Variants in CCDC88A observed in about 807,000 individuals in gnomAD.
The protein encoded by CCDC88A is coiled-coil and HOOK domain protein 88A.
Under a neutral mutation model 234.3 loss-of-function variants are expected in CCDC88A, and 54 were observed. The observed-to-expected ratio is 0.23, with a 90% confidence interval of 0.19 to 0.29. The LOEUF is 0.29. CCDC88A is among the 10% of genes least tolerant of loss of function. The pLI, the probability that CCDC88A is intolerant of heterozygous loss-of-function variation, is 1.00. For synonymous variants in CCDC88A, 753 were observed against 737.8 expected, an observed-to-expected ratio of 1.02 and a Z score of -0.33; for missense variants, 1,832 against 2,123.4, an observed-to-expected ratio of 0.86 and a Z score of 2.70.
intron 29 of CCDC88A, chr2:55,297,105 T>C (rs898885210): frequency 1.1e-4 from 2 of 18,176 alleles, no homozygotes; most frequent in Non-Finnish European, 3.8e-4. Context: ...AATTGCTTGA[T>C]ACTGGGGGGG....
intron 10 of CCDC88A, chr2:55,345,610 T>C (rs535903447): frequency 1.3e-5 from 2 of 152,640 alleles, no homozygotes; most frequent in South Asian, 2.1e-4. Flanking sequence ...CTGGCCAGGC[T>C]AGTCTCGAAC....
chr2:55,311,215 A>G (rs1682310632), intron 23 of CCDC88A, among the ~76,000 whole-genome samples: 3 of 152,232 alleles, frequency 2.0e-5, no homozygotes, highest in Non-Finnish European at 4.4e-5. Flanking sequence ...CAAGTAAAGG[A>G]ATACATACCC....
At chr2:55,417,278 G>T (rs1049456614) in intron 2 of CCDC88A, 1 of 151,766 alleles carries the variant, frequency 6.6e-6, no homozygotes, top group Non-Finnish European at 1.5e-5. Flanking sequence ...CCCTATTTTT[G>T]TGAACACACA....
rs13000605 is a variant in CCDC88A at position 55,384,661 on chromosome 2, A to G, written c.273+4117T>C. ...TATGTGTATATATACATATATATAT[A>G]TATATATTTTTTAAAGACAGAGTCT... is the stretch of plus-strand genomic sequence containing the variant. On this transcript the variant is annotated intron_variant, in intron 3 of 32. Coordinates refer to ENST00000436346, the MANE Select transcript of CCDC88A (RefSeq NM_001365480.1). 8.1e-5 allele frequency among the ~76,000 whole-genome samples: 9 copies of G among 110,718 alleles called. 2 individuals carry two copies. The highest frequency in any genetic ancestry group is 1.4e-4 in the African/African-American group (3 of 21,626). The allele number at this position is 110,718 out of a possible 152,430, so 72.6% of individuals were successfully genotyped here.
At position 55,337,706 on chromosome 2, in the gene CCDC88A, G is replaced by A. The variant is rs1358507372; in HGVS notation, c.1519-888C>T. 2.0e-5 allele frequency: 3 copies of A among 152,260 alleles called. No individual in the cohort carries two copies. The South Asian group carries it at 6.2e-4, about 32-fold the overall frequency. 9.4% of individuals were successfully genotyped at this position (152,260 alleles called of 1,614,324 possible). A position where few individuals can be genotyped will look rare whatever the true frequency, so the allele number is the denominator to read the frequency against. On this transcript the variant is annotated intron_variant, in intron 13 of 32. Coordinates refer to ENST00000436346, the MANE Select transcript of CCDC88A (RefSeq NM_001365480.1). Reference sequence around the variant, plus strand: ...ACAAAAAAACTTAGCCAGGCATGGTGGCCTGTGCCTGTAGTCCTAGCTACT... The same window carrying A: ...ACAAAAAAACTTAGCCAGGCATGGTAGCCTGTGCCTGTAGTCCTAGCTACT...
chr2:55,294,737 G>A (rs1182946274), intron 31 of CCDC88A: 2 of 992,128 alleles, frequency 2.0e-6, no homozygotes, highest in Admixed American at 1.2e-4. Context: ...TGGTAAGAGA[G>A]CATGCAACTG....
At chr2:55,325,222 A>C (rs1684115145) in intron 17 of CCDC88A, among the ~76,000 whole-genome samples, 1 of 152,166 alleles carries the variant, frequency 6.6e-6, no homozygotes, top group African/African-American at 2.4e-5. Flanking sequence ...CCATTTACTG[A>C]GGTATTTCCT....
rs1558768191 is a variant in CCDC88A, at chr2:55,375,468, A to AAT, written c.274-586_274-585insAT. Among the ~76,000 whole-genome samples, 71 of 129,650 alleles carry AAT rather than the reference A, an allele frequency of 5.5e-4. 1 individual carries two copies. Among genetic ancestry groups the AAT allele is most frequent in the African/African-American group, 7.7e-4 (25 of 32,458 alleles). 85.1% of individuals were successfully genotyped at this position (129,650 alleles called of 152,430 possible). A position where few individuals can be genotyped will look rare whatever the true frequency, so the allele number is the denominator to read the frequency against. On this transcript the variant is annotated intron_variant, in intron 3 of 32. Coordinates refer to ENST00000436346, the MANE Select transcript of CCDC88A (RefSeq NM_001365480.1). ...TCAAATTTATAAGTACTGTCACTGT[A>AAT]CTATATATATATATATATATATATA...
At chr2:55,345,861 G>GA in intron 10 of CCDC88A, 1 of 187,352 alleles carries the variant, frequency 5.3e-6, no homozygotes, top group East Asian at 1.3e-4. Flanking sequence ...TTCACTTTTG[G>GA]AAAAAAGTCT....
chr2:55,302,145 A>AAACCACAGTATTTG, intron 26 of CCDC88A, 73 bp from the exon 27 acceptor site: 3 of 1,234,792 alleles, frequency 2.4e-6, no homozygotes, highest in Non-Finnish European at 3.5e-6. Context: ...TGTAGTACAA[A>AAACCACAGTATTTG]TACTGTGGTT....
chr2:55,327,491 C>G (rs1337585593), intron 17 of CCDC88A, among the ~76,000 whole-genome samples: 1 of 152,186 alleles, frequency 6.6e-6, no homozygotes, highest in South Asian at 2.1e-4. Flanking sequence ...CCAAAACCAT[C>G]TGGTGGGAAG....
chr2:55,296,407 T>C lies in CCDC88A; in HGVS notation c.4942A>G (p.Arg1648Gly). Residue 1648 changes from arginine to glycine, a missense_variant, in exon 30 of 33, where the codon AGA becomes GGA. By Grantham distance (125) the Arg-to-Gly change is moderately radical. Transcript: ENST00000436346. Reference sequence around the variant, plus strand: ...AGCACTGGGCTTGATCTGGTCTGTCTTTTCAAGTACTGGATTGGACTGCTA... The same window carrying C: ...AGCACTGGGCTTGATCTGGTCTGTCCTTTCAAGTACTGGATTGGACTGCTA... ...SGSSPIQYLKRQTRSSPVLQH... is the reference protein window; with the variant it reads ...SGSSPIQYLKGQTRSSPVLQH... The C allele has an allele frequency of 6.2e-7, 1 of 1,614,246 alleles. No individual in the cohort carries two copies. Among genetic ancestry groups the C allele is most frequent in the African/African-American group, 1.3e-5 (1 of 75,076 alleles).
rs1012638438 is a variant in CCDC88A, at chr2:55,419,147, G to T, written c.-68C>A. The T allele has an allele frequency of 4.4e-6, 4 of 908,490 alleles. No individual in the cohort carries two copies. The highest frequency in any genetic ancestry group is 1.7e-5 in the African/African-American group (1 of 59,882). 56.3% of individuals were successfully genotyped at this position (908,490 alleles called of 1,614,324 possible). The stretch of plus-strand genomic sequence containing the variant: ...ACGCCTAGGGAATTGGTCACTAAAC[G>T]TGGAAGTAAGTAGAAATCAATGAAA... On this transcript the variant is annotated 5_prime_UTR_variant, in exon 1 of 33. Transcript: ENST00000436346.
At position 55,419,244 on chromosome 2, in the gene CCDC88A, A is replaced by C. The variant is rs1039731287; in HGVS notation, c.-165T>G. 12 of 592,958 alleles carry C rather than the reference A, an allele frequency of 2.0e-5. No homozygotes were observed. The highest frequency in any genetic ancestry group is 5.6e-5 in the African/African-American group (3 of 53,580). 36.7% of individuals were successfully genotyped at this position (592,958 alleles called of 1,614,324 possible). On this transcript the variant is annotated 5_prime_UTR_variant, in exon 1 of 33. Coordinates refer to ENST00000436346, the MANE Select transcript of CCDC88A (RefSeq NM_001365480.1). ...ACTCTCCCTCCTCAAAAAACACCCC[A>C]GAGTGAAACGAGCCGAAATCCCAAG...
At chr2:55,372,634 T>C (rs751759725) in intron 4 of CCDC88A, 124 bp from the exon 5 acceptor site, 183 of 511,292 alleles carry the variant, frequency 3.6e-4, no homozygotes, top group South Asian at 6.3e-4. Context: ...TCTAAGCATA[T>C]GTAGTGGAGC....
rs149262820 is a variant in CCDC88A, at chr2:55,355,580, A to G, written c.799T>C (p.Leu267=). ...KAKIRRLRQE[L]EEKTEQLLDC... ...GAACCTCAAAAATCAGCAACTTACA[A>G]TTCCTGCCTAAGCCTTCTTATCTTG... The change falls in exon 8 of 33, where the codon TTG becomes CTG. Residue 267 remains leucine (L), a splice_region_variant and synonymous_variant. Coordinates refer to ENST00000436346, the MANE Select transcript of CCDC88A (RefSeq NM_001365480.1). 1.2e-4 allele frequency: 194 copies of G among 1,613,720 alleles called. No individual in the cohort carries two copies. The highest frequency in any genetic ancestry group is 1.5e-4 in the Non-Finnish European group (177 of 1,179,754).
At chr2:55,292,465 T>G (rs1428583768) in intron 31 of CCDC88A, 1 of 152,254 alleles carries the variant, frequency 6.6e-6, no homozygotes, top group African/African-American at 2.4e-5. Flanking sequence ...ATGTAAGATT[T>G]CACTTACAGA....
chr2:55,377,649 G>A (rs1057106343), intron 3 of CCDC88A, among the ~76,000 whole-genome samples: 7 of 151,380 alleles, frequency 4.6e-5, no homozygotes, highest in African/African-American at 9.7e-5. Context: ...TTGCTCTGTC[G>A]CCTAGGCTGG....
intron 5 of CCDC88A, among the ~76,000 whole-genome samples, chr2:55,369,826 G>GA (rs1186075847): frequency 6.6e-6 from 1 of 152,002 alleles, no homozygotes; most frequent in Non-Finnish European, 1.5e-5. Context: ...GTAAACTTAA[G>GA]AAAATACTTC....
Sources: gnomAD v4.1 joint callset for allele counts (sites outside exome capture counted in the v4.1 genomes callset) on GRCh38, gnomAD v4.1.1 for gene constraint, MANE v1.5 for transcripts, NCBI Gene and HGNC (gene_info 2026-07-23, HGNC 2026-07-21) for gene names.